The following GLI2 variants were observed in gnomAD, a reference collection of about 807,000 sequenced individuals.
GLI2 encodes the protein transcription activator GLI2.
GLI2 carries 22 observed loss-of-function variants against 78.9 expected under a neutral mutation model. The ratio of observed to expected loss-of-function variants is 0.28; its 90% CI spans 0.20 to 0.40. The LOEUF (loss-of-function observed/expected upper bound fraction) is 0.40. GLI2 is among the 10% of genes least tolerant of loss of function. GLI2 has a pLI of 1.00. For synonymous variants in GLI2, 974 were observed against 963.7 expected (o/e 1.01, Z -0.20); for missense variants, 2,097 against 2,213.2 (o/e 0.95, Z 1.05).
At chr2:120,742,549 T>G (rs1181455569) in intron 1 of GLI2, among the ~76,000 whole-genome samples, 1 of 152,052 alleles carries the variant, frequency 6.6e-6, no homozygotes. Flanking sequence ...ATAACTGGAG[T>G]GTGTGTGTAC....
Position 120,951,233 on chromosome 2 carries a change from G to T in GLI2, c.255-10G>T. 2 of 1,554,746 alleles carry T rather than the reference G, an allele frequency of 1.3e-6. No individual in the cohort carries two copies. Among genetic ancestry groups the T allele is most frequent in the Non-Finnish European group, 8.9e-7 (1 of 1,126,080 alleles). The stretch of plus-strand genomic sequence containing the variant: ...CCTCCTTCTTAGACGGCTGCCCATT[G>T]TCTCTGCAGGCCCCCTGCCCTCAGC... On this transcript the variant is annotated splice_polypyrimidine_tract_variant and intron_variant, in intron 3 of 13. Coordinates refer to ENST00000361492, the MANE Select transcript of GLI2 (RefSeq NM_001374353.1).
chr2:120,973,060 C>T (rs1466563558), intron 8 of GLI2, among the ~76,000 whole-genome samples: 1 of 152,178 alleles, frequency 6.6e-6, no homozygotes, highest in Non-Finnish European at 1.5e-5. Flanking sequence ...CTATCCCTGT[C>T]TCCCCTGCAT....
intron 2 of GLI2, among the ~76,000 whole-genome samples, chr2:120,910,728 G>T (rs1678776012): frequency 6.6e-6 from 1 of 152,206 alleles, no homozygotes; most frequent in East Asian, 1.9e-4. Context: ...ATACATGGGG[G>T]TTATTAGCAG....
intron 1 of GLI2, among the ~76,000 whole-genome samples, chr2:120,785,268 C>T (rs1368229323): frequency 2.6e-5 from 4 of 152,258 alleles, no homozygotes; most frequent in South Asian, 2.1e-4. Context: ...TATCCAGGGC[C>T]GGCTTAGCAC....
intron 2 of GLI2, among the ~76,000 whole-genome samples, chr2:120,836,180 T>C (rs890151794): frequency 2.6e-5 from 4 of 152,178 alleles, no homozygotes; most frequent in Non-Finnish European, 5.9e-5. Context: ...TCCATCACCC[T>C]CTTCTATCTC....
intron 2 of GLI2, among the ~76,000 whole-genome samples, chr2:120,871,588 A>G (rs114077845): frequency 0.015 from 2,257 of 152,258 alleles, 66 homozygotes; most frequent in African/African-American, 0.051. Flanking sequence ...TCTTATAGGT[A>G]TGGCTTGCAA....
intron 2 of GLI2, among the ~76,000 whole-genome samples, chr2:120,927,009 T>G (rs1447355199): frequency 6.6e-6 from 1 of 152,182 alleles, no homozygotes; most frequent in African/African-American, 2.4e-5. Flanking sequence ...AGGGCCGGCA[T>G]GGGCAGAAGC....
At chr2:120,785,902 C>T (rs778915999) in intron 1 of GLI2, among the ~76,000 whole-genome samples, 8 of 152,210 alleles carry the variant, frequency 5.3e-5, no homozygotes, top group Non-Finnish European at 1.0e-4. Context: ...AGGTAAGGGG[C>T]CCAGTGACAG....
chr2:120,810,100 A>C (rs1685168268), intron 2 of GLI2, among the ~76,000 whole-genome samples: 1 of 152,220 alleles, frequency 6.6e-6, no homozygotes. Context: ...GGGGGGAGCC[A>C]GGTCTCAGGG....
At chr2:120,763,576 G>T (rs2104648103) in intron 1 of GLI2, among the ~76,000 whole-genome samples, 1 of 152,346 alleles carries the variant, frequency 6.6e-6, no homozygotes, top group East Asian at 1.9e-4. Context: ...TCTGGCCCTT[G>T]GGGAATGCTG....
chr2:120,909,266 G>GCCTCCTTT (rs1678692777), intron 2 of GLI2, among the ~76,000 whole-genome samples: 1 of 151,894 alleles, frequency 6.6e-6, no homozygotes, highest in South Asian at 2.1e-4. Flanking sequence ...TCCCTGCCTG[G>GCCTCCTTT]CTGGGCCCTG....
At chr2:120,946,215 G>A (rs2104934332) in intron 3 of GLI2, among the ~76,000 whole-genome samples, 1 of 152,268 alleles carries the variant, frequency 6.6e-6, no homozygotes, top group Middle Eastern at 3.4e-3. Context: ...TTCCCCCTGG[G>A]CTCTGAGCTG....
chr2:120,956,651 G>T (rs931709620), intron 5 of GLI2, among the ~76,000 whole-genome samples: 1 of 152,138 alleles, frequency 6.6e-6, no homozygotes, highest in Non-Finnish European at 1.5e-5. Flanking sequence ...CTCCTGCAGA[G>T]CCAGCCTCCC....
At chr2:120,783,459 C>G (rs865895327) in intron 1 of GLI2, among the ~76,000 whole-genome samples, 6 of 151,972 alleles carry the variant, frequency 3.9e-5, no homozygotes, top group Non-Finnish European at 8.8e-5. Flanking sequence ...CTTTAAAGAG[C>G]GTTCTCATTT....
intron 1 of GLI2, among the ~76,000 whole-genome samples, chr2:120,784,316 G>T (rs1456496094): frequency 6.6e-6 from 1 of 152,250 alleles, no homozygotes; most frequent in African/African-American, 2.4e-5. Flanking sequence ...GCCTGGGGCA[G>T]GAGGGCTGGG....
intron 2 of GLI2, among the ~76,000 whole-genome samples, chr2:120,918,638 G>T (rs191854984): frequency 1.7e-4 from 26 of 151,898 alleles, no homozygotes; most frequent in African/African-American, 2.9e-4. Flanking sequence ...ATGGGGTTTC[G>T]CCATGTTGGC....
intron 1 of GLI2, among the ~76,000 whole-genome samples, chr2:120,756,515 C>T (rs1683038236): frequency 6.6e-6 from 1 of 151,944 alleles, no homozygotes; most frequent in Non-Finnish European, 1.5e-5. Context: ...AGTTTTTTGC[C>T]TTTCACTGGC....
At chr2:120,768,714 C>T (rs1435451875) in intron 1 of GLI2, among the ~76,000 whole-genome samples, 3 of 152,068 alleles carry the variant, frequency 2.0e-5, no homozygotes, top group East Asian at 1.9e-4. Flanking sequence ...CTGGATGAGC[C>T]CTGGAACTTG....
Position 120,990,703 on chromosome 2 carries a change from C to T in GLI2, c.*28C>T, listed in dbSNP as rs1215744962. On this transcript the variant is annotated 3_prime_UTR_variant, in exon 14 of 14. Transcript: ENST00000361492. ...GCCCGAGCGCCTGGTGCTGAGTGCA[C>T]CCGGAGGGGTCATCGCTGCCCAGAG... 7.6e-6 allele frequency: 12 copies of T among 1,588,014 alleles called. No homozygotes were observed. The highest frequency in any genetic ancestry group is 1.3e-5 in the African/African-American group (1 of 74,490).
Sources: gnomAD v4.1 joint callset for allele counts (sites outside exome capture counted in the v4.1 genomes callset) on GRCh38, gnomAD v4.1.1 for gene constraint, MANE v1.5 for transcripts, NCBI Gene and HGNC (gene_info 2026-07-23, HGNC 2026-07-21) for gene names.